GRB10: variants seen among roughly 807,000 people sequenced by gnomAD.
GRB10 encodes growth factor receptor-bound protein 10.
Under a neutral mutation model 80.9 loss-of-function variants are expected in GRB10, and 20 were observed. That is an observed-to-expected ratio of 0.25 (90% CI 0.17 to 0.36). The LOEUF (loss-of-function observed/expected upper bound fraction) is 0.36, where lower values mean the gene tolerates loss of function less well. Among genes scored for constraint, GRB10 ranks in the 10% least tolerant of loss-of-function variants. The pLI is 1.00. For missense variants in GRB10, 548 were observed against 747.7 expected, an observed-to-expected ratio of 0.73 and a Z score of 3.12; for synonymous variants, 291 against 291.5, an observed-to-expected ratio of 1.00 and a Z score of 0.02.
intron 1 of GRB10, chr7:50,781,415 A>AC (rs2078262276): frequency 6.6e-6 from 1 of 151,706 alleles, no homozygotes; most frequent in South Asian, 2.1e-4. Context: ...CCCTGCTCCC[A>AC]CCCCCGATGC....
chr7:50,626,831 G>T lies in GRB10; in HGVS notation c.652C>A (p.Leu218Ile). The change falls in exon 8 of 19, where the codon CTA becomes ATA. Residue 218 changes from leucine (L) to isoleucine (I), a missense_variant. Around this residue, in one of 4 missense-constraint regions of GRB10, gnomAD observed 270 missense variants for 433.6 expected, o/e 0.62. Coordinates refer to ENST00000401949, the MANE Select transcript of GRB10 (RefSeq NM_001350814.2). ...TCTGATGGTTCCCTACCTAATCCTA[G>T]GTGCGGGTGGTGCTCCACTAGTGTC... ...SWTLVEHHPH[L>I]GLERCLEDHE... is the part of the protein sequence containing the mutation. 4 of 1,614,144 alleles carry T rather than the reference G, an allele frequency of 2.5e-6. No homozygotes were observed. The highest frequency in any genetic ancestry group is 3.4e-6 in the Non-Finnish European group (4 of 1,180,022).
intron 2 of GRB10, among the ~76,000 whole-genome samples, chr7:50,765,128 T>G (rs2076201925): frequency 6.6e-6 from 1 of 152,124 alleles, no homozygotes; most frequent in Admixed American, 6.5e-5. Flanking sequence ...TAAGATATCA[T>G]CTCACCCCAG....
intron 3 of GRB10, among the ~76,000 whole-genome samples, chr7:50,751,368 T>C (rs1350634411): frequency 6.6e-6 from 1 of 152,152 alleles, no homozygotes; most frequent in East Asian, 1.9e-4. Flanking sequence ...CAAATGCCCA[T>C]CAAGAAGTGG....
intron 17 of GRB10, among the ~76,000 whole-genome samples, chr7:50,597,417 G>A (rs937090767): frequency 3.3e-5 from 5 of 151,046 alleles, no homozygotes; most frequent in Admixed American, 1.3e-4. Context: ...GGTGCATGCT[G>A]GGCAGCTGTG....
chr7:50,784,886 TC>T (rs2078628370), upstream of GRB10, among the ~76,000 whole-genome samples: 1 of 151,626 alleles, frequency 6.6e-6, no homozygotes, highest in South Asian at 2.1e-4. Context: ...AAACGTAGAG[TC>T]CAAAACAAGA....
chr7:50,675,555 T>A (rs1343989907), intron 5 of GRB10, among the ~76,000 whole-genome samples: 1 of 152,210 alleles, frequency 6.6e-6, no homozygotes, highest in Non-Finnish European at 1.5e-5. Context: ...CCTCAGCCCA[T>A]CACCTGAAGA....
chr7:50,710,795 G>A (rs2065770487), intron 4 of GRB10: 1 of 1,488,272 alleles, frequency 6.7e-7, no homozygotes, highest in Admixed American at 1.7e-5. Context: ...CACTTCTGAG[G>A]TTCAAATTAA....
chr7:50,754,482 C>A (rs189472829), intron 3 of GRB10, among the ~76,000 whole-genome samples: 1 of 152,232 alleles, frequency 6.6e-6, no homozygotes, highest in Non-Finnish European at 1.5e-5. Context: ...GCAGGAGGCT[C>A]CAGCTCCCTC....
At position 50,616,205 on chromosome 7, in the gene GRB10, C is replaced by T; in HGVS notation, c.984+5G>A. 1 of 1,614,164 alleles carries T rather than the reference C, an allele frequency of 6.2e-7. No homozygotes were observed. The highest frequency in any genetic ancestry group is 8.5e-7 in the Non-Finnish European group (1 of 1,180,016). ...GGGCTGGTGGTGGTAGCTTTTAAAG[C>T]TCACCTTTGAAGTTCCCTTGGTGGA... On this transcript the variant is annotated splice_donor_5th_base_variant and intron_variant, in intron 11 of 18. Transcript: ENST00000401949.
intron 5 of GRB10, among the ~76,000 whole-genome samples, chr7:50,685,776 A>T (rs1440751127): frequency 6.6e-6 from 1 of 152,198 alleles, no homozygotes; most frequent in Non-Finnish European, 1.5e-5. Flanking sequence ...AGGCATCAGG[A>T]TGAGAAAAGT....
intron 8 of GRB10, among the ~76,000 whole-genome samples, chr7:50,623,472 C>T (rs1044352148): frequency 9.9e-5 from 15 of 152,228 alleles, no homozygotes; most frequent in African/African-American, 3.6e-4. Context: ...TGCTTATCCA[C>T]AAGCGCAGCA....
At chr7:50,641,769 T>C (rs1281439268) in intron 7 of GRB10, among the ~76,000 whole-genome samples, 2 of 152,204 alleles carry the variant, frequency 1.3e-5, no homozygotes, top group African/African-American at 4.8e-5. Flanking sequence ...GACAGTCAGC[T>C]GGTGACACTG....
At chr7:50,647,578 A>G (rs1446512120) in intron 7 of GRB10, among the ~76,000 whole-genome samples, 1 of 152,222 alleles carries the variant, frequency 6.6e-6, no homozygotes, top group East Asian at 1.9e-4. Flanking sequence ...GGAGATAGAC[A>G]AAAAGCAAAA....
At chr7:50,642,015 C>T (rs1443379957) in intron 7 of GRB10, among the ~76,000 whole-genome samples, 2 of 152,224 alleles carry the variant, frequency 1.3e-5, no homozygotes, top group Admixed American at 6.5e-5. Context: ...TCCGCGGCAG[C>T]GACAGAGGCT....
intron 4 of GRB10, among the ~76,000 whole-genome samples, chr7:50,729,824 T>C (rs140289530): frequency 2.8e-3 from 427 of 149,892 alleles, no homozygotes; most frequent in African/African-American, 1.0e-2. Flanking sequence ...CACTTGCCAG[T>C]TGTTCCATGT....
intron 6 of GRB10, among the ~76,000 whole-genome samples, chr7:50,670,146 C>A (rs1326761999): frequency 3.3e-5 from 5 of 152,158 alleles, no homozygotes; most frequent in African/African-American, 1.2e-4. Context: ...CACGGATGAA[C>A]CCTGAAGACA....
Position 50,669,938 on chromosome 7 carries a change from AC to A in GRB10, c.363-76del, listed in dbSNP as rs1463050381. The A allele has an allele frequency of 2.6e-6, 4 of 1,521,256 alleles. No homozygotes were observed. In the African/African-American group the frequency reaches 4.1e-5, roughly 16 times the overall value. The allele number at this position is 1,521,256 out of a possible 1,614,324, so 94.2% of individuals were successfully genotyped here. ...CCCAGCCTTACCACTGTGGTGATAC[AC>A]CCAGAAAGCAGGACACAGGGCTTCT... On this transcript the variant is annotated intron_variant, in intron 6 of 18. Transcript: ENST00000401949.
rs567585879 is a variant in GRB10, at chr7:50,601,648, G to A, written c.1544+2350C>T. On this transcript the variant is annotated intron_variant, in intron 17 of 18. Coordinates refer to ENST00000401949, the MANE Select transcript of GRB10 (RefSeq NM_001350814.2). ...TAAAGTAATAAGTAATTAAGTTAAT[G>A]CCATTAACAGAGATCATCAGAGGAA... Among the ~76,000 whole-genome samples, 20 of 151,890 alleles carry A rather than the reference G, an allele frequency of 1.3e-4. 1 individual carries two copies. The South Asian group carries it at 4.0e-3, about 30-fold the overall frequency.
At chr7:50,637,481 C>T (rs1011532103) in intron 7 of GRB10, among the ~76,000 whole-genome samples, 3 of 152,016 alleles carry the variant, frequency 2.0e-5, no homozygotes, top group African/African-American at 4.8e-5. Flanking sequence ...CGTAACAATA[C>T]ATCTAACCAA....
Sources: allele counts gnomAD v4.1 joint callset (sites outside exome capture counted in the v4.1 genomes callset), GRCh38; gene constraint gnomAD v4.1.1; regional missense constraint gnomAD v4.1.1; transcripts MANE v1.5; gene names NCBI Gene and HGNC (gene_info 2026-07-23, HGNC 2026-07-21).